PLCL1: variants seen among roughly 807,000 people sequenced by gnomAD.
The protein encoded by PLCL1 is inactive phospholipase C-like protein 1.
In PLCL1, 41 loss-of-function variants were observed where a neutral mutation model predicts 84.4. That is an observed-to-expected ratio of 0.49 (90% confidence interval 0.38 to 0.63). PLCL1 has a LOEUF of 0.63. Among genes scored for constraint, PLCL1 ranks in the 30% least tolerant of loss-of-function variants. The pLI, the probability that PLCL1 is intolerant of heterozygous loss-of-function variation, is 0.00. For synonymous variants in PLCL1, 490 were observed against 488.3 expected, an observed-to-expected ratio of 1.00 and a Z score of -0.05; for missense variants, 1,206 against 1,367.8, an observed-to-expected ratio of 0.88 and a Z score of 1.87.
rs143707186 is a variant in PLCL1, at chr2:198,129,518, C to A, written c.3106-17262C>A. On this transcript the variant is annotated intron_variant, in intron 5 of 5. Coordinates refer to ENST00000428675, the MANE Select transcript of PLCL1 (RefSeq NM_006226.4). ...TTCCCTACCAAACCATGATTGATGT[C>A]TTATGTCCTCCTAAAATTTAAAATA... 1.1e-3 allele frequency among the ~76,000 whole-genome samples: 167 copies of A among 152,246 alleles called. 1 individual carries two copies. Among genetic ancestry groups the A allele is most frequent in the Admixed American group, 4.1e-3 (63 of 15,290 alleles).
At chr2:198,000,100 A>T (rs1019713941) in intron 1 of PLCL1, among the ~76,000 whole-genome samples, 8 of 151,678 alleles carry the variant, frequency 5.3e-5, no homozygotes, top group Non-Finnish European at 1.0e-4. Flanking sequence ...TGAAAATAGA[A>T]TTTTTTTTTG....
chr2:198,149,748 GC>G lies in PLCL1; in HGVS notation c.*2787del, dbSNP rs1156911005. 1 of 152,028 alleles carries G rather than the reference GC, an allele frequency of 6.6e-6. No homozygotes were observed. Among genetic ancestry groups the G allele is most frequent in the African/African-American group, 2.4e-5 (1 of 41,394 alleles). 9.4% of individuals were successfully genotyped at this position (152,028 alleles called of 1,614,324 possible). ...AGAGTTTATACATATATGTAAATAT[GC>G]TTGTATTTTAACAAAATTGAGATAT... On this transcript the variant is annotated 3_prime_UTR_variant, in exon 6 of 6. Coordinates refer to ENST00000428675, the MANE Select transcript of PLCL1 (RefSeq NM_006226.4).
At chr2:198,091,151 G>A (rs916137542) in intron 3 of PLCL1, among the ~76,000 whole-genome samples, 2 of 152,034 alleles carry the variant, frequency 1.3e-5, no homozygotes, top group African/African-American at 4.8e-5. Flanking sequence ...TGGTAAACTT[G>A]GTAGAATTCA....
intron 5 of PLCL1, among the ~76,000 whole-genome samples, chr2:198,113,750 G>T (rs1020282683): frequency 6.6e-6 from 1 of 151,788 alleles, no homozygotes; most frequent in Non-Finnish European, 1.5e-5. Flanking sequence ...ACATGGTCTG[G>T]GGAGTTCTAA....
chr2:198,029,085 C>T (rs1383394673), intron 1 of PLCL1, among the ~76,000 whole-genome samples: 1 of 152,124 alleles, frequency 6.6e-6, no homozygotes, highest in Non-Finnish European at 1.5e-5. Context: ...TTATTCACAG[C>T]GTGATCATGA....
At chr2:197,977,795 A>C (rs559174645) in intron 1 of PLCL1, among the ~76,000 whole-genome samples, 20 of 152,218 alleles carry the variant, frequency 1.3e-4, no homozygotes, top group Non-Finnish European at 2.5e-4. Flanking sequence ...CTACATTCTC[A>C]GTTTTAATTT....
intron 5 of PLCL1, among the ~76,000 whole-genome samples, chr2:198,126,342 C>G (rs189629428): frequency 6.6e-6 from 1 of 152,158 alleles, no homozygotes; most frequent in African/African-American, 2.4e-5. Context: ...AAATCTGTGC[C>G]TGTCCTACAA....
chr2:198,108,456 G>A (rs1206530984), intron 5 of PLCL1, among the ~76,000 whole-genome samples: 1 of 151,876 alleles, frequency 6.6e-6, no homozygotes, highest in African/African-American at 2.4e-5. Flanking sequence ...GGAAAAAAAT[G>A]AGAAATGTGC....
In PLCL1 at chr2:198,084,904, A is replaced by T. The variant is rs1487553391; in HGVS notation, c.1387A>T (p.Thr463Ser). Residue 463 changes from threonine (T) to serine (S), a missense_variant, in exon 2 of 6, where the codon ACA becomes TCA. Coordinates refer to ENST00000428675, the MANE Select transcript of PLCL1 (RefSeq NM_006226.4). ...AATCCTTTGTAATCGAAATAACATG[A>T]CAACCCATGTTTCCTTTCGAAGTGT... ...EPILCNRNNM[T>S]THVSFRSVIE... 6.2e-7 allele frequency: 1 copy of T among 1,613,814 alleles called. No individual in the cohort carries two copies. The highest frequency in any genetic ancestry group is 1.3e-5 in the African/African-American group (1 of 74,918).
chr2:198,127,410 C>T (rs1375290211), intron 5 of PLCL1, among the ~76,000 whole-genome samples: 9 of 152,020 alleles, frequency 5.9e-5, no homozygotes, highest in African/African-American at 1.9e-4. Context: ...AGAGGTATGG[C>T]TATTTTAACA....
intron 1 of PLCL1, among the ~76,000 whole-genome samples, chr2:197,844,303 C>T (rs1467541311): frequency 6.6e-6 from 1 of 152,062 alleles, no homozygotes; most frequent in African/African-American, 2.4e-5. Flanking sequence ...GGTGACCACT[C>T]TCCTAATTTC....
Position 198,147,748 on chromosome 2 carries a change from G to A in PLCL1, c.*786G>A, listed in dbSNP as rs993356222. ...TACTCTGAAACACACTGAAAGCTCT[G>A]TTGCAATTAGGATTTTGATGTGACA... On this transcript the variant is annotated 3_prime_UTR_variant, in exon 6 of 6. Coordinates refer to ENST00000428675, the MANE Select transcript of PLCL1 (RefSeq NM_006226.4). 2.0e-5 allele frequency: 3 copies of A among 152,212 alleles called. No individual in the cohort carries two copies. Among genetic ancestry groups the A allele is most frequent in the African/African-American group, 7.2e-5 (3 of 41,408 alleles). 9.4% of individuals were successfully genotyped at this position (152,212 alleles called of 1,614,324 possible). A position where few individuals can be genotyped will look rare whatever the true frequency, so the allele number is the denominator to read the frequency against.
chr2:198,040,835 A>C (rs1691643429), intron 1 of PLCL1, among the ~76,000 whole-genome samples: 1 of 152,200 alleles, frequency 6.6e-6, no homozygotes, highest in African/African-American at 2.4e-5. Context: ...AGTTTCATGT[A>C]GAAACTGATA....
At chr2:197,957,526 G>T (rs1279543026) in intron 1 of PLCL1, among the ~76,000 whole-genome samples, 1 of 152,048 alleles carries the variant, frequency 6.6e-6, no homozygotes, top group Non-Finnish European at 1.5e-5. Context: ...GATACATGTA[G>T]ATATGTTAGT....
intron 1 of PLCL1, among the ~76,000 whole-genome samples, chr2:197,833,852 A>G (rs1691124297): frequency 6.6e-6 from 1 of 152,216 alleles, no homozygotes; most frequent in Admixed American, 6.5e-5. Context: ...GAGCTGGTAT[A>G]GCCAAGACAA....
intron 1 of PLCL1, among the ~76,000 whole-genome samples, chr2:198,035,023 G>C (rs1261906144): frequency 6.6e-6 from 1 of 152,014 alleles, no homozygotes; most frequent in African/African-American, 2.4e-5. Context: ...CCTTACTTGT[G>C]TTCACTTAAT....
At chr2:197,860,568 T>C (rs2105692893) in intron 1 of PLCL1, among the ~76,000 whole-genome samples, 1 of 152,300 alleles carries the variant, frequency 6.6e-6, no homozygotes, top group Non-Finnish European at 1.5e-5. Flanking sequence ...ATAATAGCCA[T>C]TCTGACTGGT....
chr2:197,817,114 A>G (rs1215622597), intron 1 of PLCL1, among the ~76,000 whole-genome samples: 1 of 152,112 alleles, frequency 6.6e-6, no homozygotes, highest in Non-Finnish European at 1.5e-5. Context: ...AGTTTTAATT[A>G]TCTATCTGAA....
chr2:197,845,576 A>G (rs1179432668), intron 1 of PLCL1, among the ~76,000 whole-genome samples: 1 of 152,094 alleles, frequency 6.6e-6, no homozygotes, highest in African/African-American at 2.4e-5. Flanking sequence ...TTCCAGGTAA[A>G]AGAATGCCAA....
Sources: allele counts gnomAD v4.1 joint callset (sites outside exome capture counted in the v4.1 genomes callset), GRCh38; gene constraint gnomAD v4.1.1; transcripts MANE v1.5; gene names NCBI Gene and HGNC (gene_info 2026-07-23, HGNC 2026-07-21).